Variants in FAM120A observed in about 807,000 individuals in gnomAD.
The protein encoded by FAM120A is constitutive coactivator of PPAR-gamma-like protein 1.
FAM120A carries 15 observed loss-of-function variants against 109.7 expected under a neutral mutation model. That is an observed-to-expected ratio of 0.14 (90% CI 0.09 to 0.21). The LOEUF (loss-of-function observed/expected upper bound fraction) is 0.21, where lower values mean the gene tolerates loss of function less well. FAM120A is among the 10% of genes least tolerant of loss of function. FAM120A has a pLI of 1.00. For missense variants in FAM120A, 899 were observed against 1,439.3 expected (o/e 0.62, Z 6.07); for synonymous variants, 493 against 572.8 (o/e 0.86, Z 1.99).
intron 7 of FAM120A, among the ~76,000 whole-genome samples, chr9:93,517,402 A>C (rs1860647807): frequency 6.6e-6 from 1 of 152,218 alleles, no homozygotes; most frequent in African/African-American, 2.4e-5. Flanking sequence ...ATTGAATCAG[A>C]ATCTCTGGTT....
intron 3 of FAM120A, among the ~76,000 whole-genome samples, chr9:93,477,199 A>T (rs1359487388): frequency 1.3e-5 from 2 of 152,122 alleles, no homozygotes; most frequent in Admixed American, 6.5e-5. Context: ...CCCTCCATAA[A>T]CAATTTTAAT....
At position 93,500,968 on chromosome 9, in the gene FAM120A, A is replaced by G. The variant is rs985052209; in HGVS notation, c.1030+2082A>G. 2.0e-5 allele frequency among the ~76,000 whole-genome samples: 3 copies of G among 152,238 alleles called. No homozygotes were observed. The highest frequency in any genetic ancestry group is 2.9e-5 in the Non-Finnish European group (2 of 68,040). On this transcript the variant is annotated intron_variant, in intron 5 of 17. Coordinates refer to ENST00000277165, the MANE Select transcript of FAM120A (RefSeq NM_014612.5). This position sits in a 1 kb window ranked among gnomAD's most constrained non-coding sequence, Gnocchi z 4.6. ...AGTGAAGTACTTGTTCAGTCATTCA[A>G]TGCCCTTTTAGGTAATTCTGCCTAT...
At chr9:93,497,019 C>T (rs1469409597) in intron 3 of FAM120A, among the ~76,000 whole-genome samples, 1 of 152,098 alleles carries the variant, frequency 6.6e-6, no homozygotes, top group Non-Finnish European at 1.5e-5. Context: ...TTCAGGGAGT[C>T]CTGGGCTCTA....
At chr9:93,491,493 A>G (rs771982701) in intron 3 of FAM120A, among the ~76,000 whole-genome samples, 1 of 152,214 alleles carries the variant, frequency 6.6e-6, no homozygotes, top group Admixed American at 6.5e-5. Context: ...TAAAAGTGAA[A>G]ATCTTTCACA....
intron 5 of FAM120A, among the ~76,000 whole-genome samples, chr9:93,501,654 T>C (rs1490843323): frequency 2.0e-5 from 3 of 152,102 alleles, no homozygotes; most frequent in Admixed American, 6.5e-5. Flanking sequence ...AGGCACAGAA[T>C]GACAGCCAGG....
In FAM120A at chr9:93,562,210, G is replaced by A. The variant is rs368146089; in HGVS notation, c.2951G>A (p.Arg984His). Residue 984 changes from arginine to histidine, a missense_variant and splice_region_variant, in exon 17 of 18, where the codon CGT becomes CAT. By Grantham distance (29) the Arg-to-His change is conservative (BLOSUM62 0). This residue lies in a region of FAM120A where 170 missense variants were observed against 205.0 expected (regional missense o/e 0.83). Transcript: ENST00000277165. ...GTTGTCCTTTTTCATTCATTTAGGC[G>A]TCCAAGAGGAGTTATTTCCACCCCA... ...VVSVGGPARG[R>H]PRGVISTPVI... The A allele has an allele frequency of 1.2e-5, 19 of 1,612,798 alleles. No homozygotes were observed. Among genetic ancestry groups the A allele is most frequent in the Middle Eastern group, 1.6e-4 (1 of 6,080 alleles).
chr9:93,511,880 C>T (rs1373493223), intron 5 of FAM120A, among the ~76,000 whole-genome samples: 1 of 152,222 alleles, frequency 6.6e-6, no homozygotes, highest in Non-Finnish European at 1.5e-5. Context: ...ACAGCCTCTG[C>T]CTCCAGGGTT....
intron 8 of FAM120A, among the ~76,000 whole-genome samples, chr9:93,528,660 T>C (rs1456976573): frequency 1.3e-5 from 2 of 152,232 alleles, no homozygotes; most frequent in African/African-American, 4.8e-5. Flanking sequence ...CATGGACCTC[T>C]TTCTATGTCA....
chr9:93,550,824 A>G, intron 12 of FAM120A, 133 bp downstream of exon 12: 1 of 621,768 alleles, frequency 1.6e-6, no homozygotes, highest in Non-Finnish European at 2.9e-6. Flanking sequence ...TAATAATACT[A>G]ATATGATAAG....
At chr9:93,472,543 T>G (rs1002660320) in intron 2 of FAM120A, among the ~76,000 whole-genome samples, 1 of 152,234 alleles carries the variant, frequency 6.6e-6, no homozygotes, top group South Asian at 2.1e-4. Flanking sequence ...GGAAGCTGTG[T>G]GGTCTCTAGT....
intron 12 of FAM120A, among the ~76,000 whole-genome samples, chr9:93,553,078 ATAAT>A (rs1311089553): frequency 6.6e-6 from 1 of 152,212 alleles, no homozygotes; most frequent in Non-Finnish European, 1.5e-5. Context: ...ATGTCCATGA[ATAAT>A]TGAGAGTGTT....
intron 1 of FAM120A, chr9:93,453,542 T>A: frequency 3.0e-6 from 3 of 985,448 alleles, no homozygotes; most frequent in Non-Finnish European, 2.4e-6. Flanking sequence ...TCTTCGCGGT[T>A]GCCCCCACTG....
At chr9:93,458,087 C>T (rs895170461) in intron 1 of FAM120A, among the ~76,000 whole-genome samples, 1 of 152,136 alleles carries the variant, frequency 6.6e-6, no homozygotes, top group African/African-American at 2.4e-5. Flanking sequence ...ACTTCAGCAC[C>T]TGGTTTTACA....
rs756156063 is a variant in FAM120A, at chr9:93,497,481, A to G, written c.815A>G (p.His272Arg). ...HPLASLKVRAHQLVLPPCDVV... is the reference protein window; with the variant it reads ...HPLASLKVRARQLVLPPCDVV... ...CGTTTGTTTTCTCAGGTCCGGGCCCACCAGCTGGTCTTGCCACCTTGCGAC... is the reference window on the plus strand; with the variant it reads ...CGTTTGTTTTCTCAGGTCCGGGCCCGCCAGCTGGTCTTGCCACCTTGCGAC... Residue 272 changes from histidine to arginine, a missense_variant, in exon 4 of 18, where the codon CAC becomes CGC. His to Arg is a conservative substitution (Grantham distance 29). Coordinates refer to ENST00000277165, the MANE Select transcript of FAM120A (RefSeq NM_014612.5). 6.2e-7 allele frequency: 1 copy of G among 1,613,558 alleles called. No individual in the cohort carries two copies. The highest frequency in any genetic ancestry group is 8.5e-7 in the Non-Finnish European group (1 of 1,179,794).
rs1446182882 is a variant in FAM120A, at chr9:93,532,039, AT to A, written c.1735-113del. The stretch of plus-strand genomic sequence containing the variant: ...ATTTAGGCAAGTTGTTAAGCAGTTG[AT>A]TTGGAATGGAATTGCAATGTCATTA... On this transcript the variant is annotated intron_variant, in intron 9 of 17. Coordinates refer to ENST00000277165, the MANE Select transcript of FAM120A (RefSeq NM_014612.5). The surrounding 1 kb of genome is among the most constrained non-coding windows in gnomAD (Gnocchi z 4.3). 6.4e-5 allele frequency: 65 copies of A among 1,009,210 alleles called. No homozygotes were observed. Among genetic ancestry groups the A allele is most frequent in the Non-Finnish European group, 4.6e-5 (31 of 676,926 alleles). 62.5% of individuals were successfully genotyped at this position (1,009,210 alleles called of 1,614,324 possible).
rs752573362 is a variant in FAM120A at position 93,562,191 on chromosome 9, C to A, written c.2949-17C>A. 1 of 1,597,310 alleles carries A rather than the reference C, an allele frequency of 6.3e-7. No homozygotes were observed. Among genetic ancestry groups the A allele is most frequent in the East Asian group, 2.2e-5 (1 of 44,746 alleles). On this transcript the variant is annotated splice_polypyrimidine_tract_variant and intron_variant, in intron 16 of 17. Transcript: ENST00000277165. ...ACAGATTTAAGTGTTTACTGTTGTC[C>A]TTTTTCATTCATTTAGGCGTCCAAG...
intron 10 of FAM120A, among the ~76,000 whole-genome samples, chr9:93,539,863 T>C (rs1298664024): frequency 6.6e-6 from 1 of 152,252 alleles, no homozygotes; most frequent in Admixed American, 6.5e-5. Flanking sequence ...AGGGGACTTG[T>C]AAATCAGAGC....
chr9:93,556,382 A>T lies in FAM120A; in HGVS notation c.2275A>T (p.Ile759Phe), dbSNP rs1166195438. The change falls in exon 13 of 18, where the codon ATT becomes TTT. Residue 759 changes from isoleucine to phenylalanine, a missense_variant and splice_region_variant. Around this residue, in one of 11 missense-constraint regions of FAM120A, gnomAD observed 52 missense variants for 49.7 expected, o/e 1.05. Transcript: ENST00000277165. ...YEPDQLQELK[I>F]ENLDPRGIQL... ...AGAAATTACTCTTTTCAATTTAAAGATTGAGAACCTAGATCCCCGAGGAAT... is the reference window on the plus strand; with the variant it reads ...AGAAATTACTCTTTTCAATTTAAAGTTTGAGAACCTAGATCCCCGAGGAAT... 6.2e-7 allele frequency: 1 copy of T among 1,613,126 alleles called. No individual in the cohort carries two copies. The highest frequency in any genetic ancestry group is 1.7e-5 in the Admixed American group (1 of 60,026).
intron 16 of FAM120A, among the ~76,000 whole-genome samples, chr9:93,561,889 G>A (rs1460847763): frequency 1.3e-5 from 2 of 152,118 alleles, no homozygotes; most frequent in African/African-American, 2.4e-5. Context: ...CAGGGGTAGA[G>A]CATTTGACTG....
Sources: gnomAD v4.1 joint callset for allele counts (sites outside exome capture counted in the v4.1 genomes callset) on GRCh38, gnomAD v4.1.1 for gene constraint, gnomAD v4.1.1 regional missense constraint, Gnocchi (gnomAD v3.1) non-coding constraint, MANE v1.5 for transcripts, NCBI Gene and HGNC (gene_info 2026-07-23, HGNC 2026-07-21) for gene names.